The following CDKL4 variants were observed in gnomAD, a reference collection of about 807,000 sequenced individuals.
CDKL4 encodes cyclin dependent kinase like 4.
A neutral mutation model predicts 42.0 loss-of-function variants in CDKL4; 44 were observed. That is an observed-to-expected ratio of 1.05 (90% CI 0.82 to 1.35). The LOEUF is 1.35. Among genes scored for constraint, CDKL4 ranks in the 40% most tolerant of loss-of-function variants. The pLI is 0.00. For missense variants in CDKL4, 393 were observed against 369.9 expected, an observed-to-expected ratio of 1.06 and a Z score of -0.51; for synonymous variants, 120 against 121.6, an observed-to-expected ratio of 0.99 and a Z score of 0.09.
At chr2:39,196,952 C>A (rs1258532771) in intron 5 of CDKL4, among the ~76,000 whole-genome samples, 1 of 152,086 alleles carries the variant, frequency 6.6e-6, no homozygotes, top group South Asian at 2.1e-4. Flanking sequence ...ACTAACTCAC[C>A]AGCAATGGAT....
intron 4 of CDKL4, among the ~76,000 whole-genome samples, chr2:39,206,062 T>G (rs1418858243): frequency 2.6e-3 from 12 of 4,604 alleles, no homozygotes; most frequent in Non-Finnish European, 8.8e-3. Context: ...TTGTTTTTTG[T>G]TTTTTTTTTG....
intron 3 of CDKL4, among the ~76,000 whole-genome samples, chr2:39,218,206 A>G (rs1558573821): frequency 6.6e-6 from 1 of 152,040 alleles, no homozygotes; most frequent in Non-Finnish European, 1.5e-5. Flanking sequence ...GATAGCTGCT[A>G]AAACATTATT....
At chr2:39,173,399 G>C (rs1463878938), downstream of CDKL4, among the ~76,000 whole-genome samples, 1 of 152,192 alleles carries the variant, frequency 6.6e-6, no homozygotes, top group Non-Finnish European at 1.5e-5. Context: ...GAAACTGGCA[G>C]GGTGTGGTGG....
intron 3 of CDKL4, among the ~76,000 whole-genome samples, chr2:39,214,624 C>T (rs552334380): frequency 2.0e-5 from 3 of 152,274 alleles, no homozygotes; most frequent in South Asian, 2.1e-4. Context: ...CATTACATTT[C>T]GATCCTGCAT....
At chr2:39,235,562 C>G (rs947044166) in intron 1 of CDKL4, among the ~76,000 whole-genome samples, 2 of 152,168 alleles carry the variant, frequency 1.3e-5, no homozygotes, top group Middle Eastern at 3.4e-3. Context: ...CTGGGCAATA[C>G]AGTGAGACCC....
rs139933577 is a variant in CDKL4 at position 39,222,435 on chromosome 2, C to T, written c.290+3404G>A. ...CAAAACCCTGTGTCTACTAAAAATA[C>T]AAAAATTAGCCGGGCATGGTAGCGG... is the stretch of plus-strand genomic sequence containing the variant. On this transcript the variant is annotated intron_variant, in intron 3 of 9. Coordinates refer to ENST00000451199, the Ensembl canonical transcript of CDKL4. 3.0e-3 allele frequency among the ~76,000 whole-genome samples: 451 copies of T among 151,956 alleles called. 5 individuals are homozygous for T. The highest frequency in any genetic ancestry group is 0.01 in the African/African-American group (434 of 41,420).
chr2:39,229,305 T>C, intron 2 of CDKL4, 60 bp downstream of exon 2: 1 of 1,240,130 alleles, frequency 8.1e-7, no homozygotes, highest in Middle Eastern at 2.4e-4. Flanking sequence ...TCTTTGCAAT[T>C]TTAACATGCA....
intron 3 of CDKL4, among the ~76,000 whole-genome samples, chr2:39,225,166 C>T (rs185676439): frequency 4.6e-5 from 7 of 152,062 alleles, no homozygotes; most frequent in Admixed American, 2.0e-4. Flanking sequence ...CTTTGGGAGG[C>T]CGAGGCAGGT....
intron 3 of CDKL4, 80 bp downstream of exon 3, chr2:39,225,759 T>A: frequency 7.1e-7 from 1 of 1,398,712 alleles, no homozygotes; most frequent in African/African-American, 1.5e-5. Context: ...TGGCTGGGAT[T>A]TGAAATTTGC....
At chr2:39,197,763 C>G (rs1319621740) in intron 5 of CDKL4, among the ~76,000 whole-genome samples, 1 of 152,152 alleles carries the variant, frequency 6.6e-6, no homozygotes, top group Non-Finnish European at 1.5e-5. Flanking sequence ...AGGAAAGATA[C>G]AGTCTTTTTC....
intron 8 of CDKL4, among the ~76,000 whole-genome samples, chr2:39,180,564 T>A (rs1175721003): frequency 6.6e-6 from 1 of 152,176 alleles, no homozygotes; most frequent in African/African-American, 2.4e-5. Context: ...CCTTGTCAAC[T>A]GCCTGGTCCA....
intron 9 of CDKL4, 51 bp from the exon 10 acceptor site, chr2:39,176,147 A>G (rs556619377): frequency 4.6e-6 from 2 of 437,696 alleles, no homozygotes; most frequent in South Asian, 1.7e-5. Flanking sequence ...AACAATTCCT[A>G]TTTGTACAGT....
In CDKL4 at chr2:39,241,650, C is replaced by A. The variant is rs142862664; in HGVS notation, c.-57+2221G>T. On this transcript the variant is annotated intron_variant, in intron 1 of 9. Coordinates refer to ENST00000451199, the Ensembl canonical transcript of CDKL4. ...CTCTAAGTCTCCCTTCATACCCCTG[C>A]CTGGAATGTCTGACCCTTAAATCTT... Among the ~76,000 whole-genome samples the A allele has an allele frequency of 3.1e-3, 470 of 152,306 alleles. 5 individuals are homozygous for A. The highest frequency in any genetic ancestry group is 0.011 in the African/African-American group (445 of 41,570).
intron 4 of CDKL4, among the ~76,000 whole-genome samples, chr2:39,212,463 G>C (rs1677646003): frequency 6.6e-6 from 1 of 152,024 alleles, no homozygotes; most frequent in African/African-American, 2.4e-5. Context: ...TCGATCTCCT[G>C]ACTTCGTGAT....
chr2:39,191,429 T>C (rs1003555080), intron 5 of CDKL4, among the ~76,000 whole-genome samples: 13 of 152,040 alleles, frequency 8.6e-5, no homozygotes, highest in African/African-American at 3.1e-4. Context: ...GATAGAGACA[T>C]GGAAGGGGCC....
chr2:39,172,762 A>C (rs1675036548), downstream of CDKL4, among the ~76,000 whole-genome samples: 2 of 151,980 alleles, frequency 1.3e-5, no homozygotes, highest in Non-Finnish European at 2.9e-5. Context: ...TTGTATTTTG[A>C]GTAGAGATGG....
chr2:39,189,249 G>A lies in CDKL4; in HGVS notation c.652+1056C>T, dbSNP rs551393129. ...GTGTCACTTTCTTTGCATCCATGCT[G>A]TTGGCATGAAGCTGTGGCTCACTTT... On this transcript the variant is annotated intron_variant, in intron 6 of 9. Transcript: ENST00000451199. 1.6e-4 allele frequency among the ~76,000 whole-genome samples: 25 copies of A among 152,286 alleles called. No homozygotes were observed. The South Asian group carries it at 3.9e-3, about 24-fold the overall frequency.
intron 3 of CDKL4, among the ~76,000 whole-genome samples, chr2:39,221,469 T>C (rs749629383): frequency 2.0e-5 from 3 of 152,194 alleles, no homozygotes; most frequent in South Asian, 4.1e-4. Context: ...CTCTGGCCTG[T>C]TATTTAAATA....
At chr2:39,225,812 C>T in intron 3 of CDKL4, 27 bp downstream of exon 3, 2 of 1,583,188 alleles carry the variant, frequency 1.3e-6, no homozygotes, top group Non-Finnish European at 1.7e-6. Flanking sequence ...ACTGGCTGTA[C>T]AGAATTTCAG....
Sources: gnomAD v4.1 joint callset for allele counts (sites outside exome capture counted in the v4.1 genomes callset) on GRCh38, gnomAD v4.1.1 for gene constraint, MANE v1.5 for transcripts, NCBI Gene and HGNC (gene_info 2026-07-23, HGNC 2026-07-21) for gene names.